The following EPHB1 variants were observed in gnomAD, a reference collection of about 807,000 sequenced individuals.
The protein encoded by EPHB1 is ephrin type-B receptor 1.
EPHB1 carries 30 observed loss-of-function variants against 94.4 expected under a neutral mutation model. That is an observed-to-expected ratio of 0.32 (90% CI 0.24 to 0.43). The LOEUF is 0.43. EPHB1 is among the 20% of genes least tolerant of loss of function. EPHB1 has a pLI of 1.00. For synonymous variants in EPHB1, 522 were observed against 489.1 expected (o/e 1.07, Z -0.89); for missense variants, 1,055 against 1,308.3 (o/e 0.81, Z 2.99).
rs375395128 is a variant in EPHB1, at chr3:135,094,725, T to C, written c.806-11723T>C. Among the ~76,000 whole-genome samples, 290 of 152,324 alleles carry C rather than the reference T, an allele frequency of 1.9e-3. 4 individuals carry two copies. Among genetic ancestry groups the C allele is most frequent in the African/African-American group, 6.8e-3 (281 of 41,572 alleles). ...TTCCTCAGTGCTGCAGCATCGTACC[T>C]TTCCTGACCCCTCTGTTGGCTTAAA... On this transcript the variant is annotated intron_variant, in intron 3 of 15. Coordinates refer to ENST00000398015, the MANE Select transcript of EPHB1 (RefSeq NM_004441.5).
intron 9 of EPHB1, among the ~76,000 whole-genome samples, chr3:135,179,500 A>G (rs1942091516): frequency 6.6e-6 from 1 of 152,096 alleles, no homozygotes; most frequent in African/African-American, 2.4e-5. Flanking sequence ...CCATTTTACC[A>G]CCACTTTTCT....
chr3:135,187,326 T>C (rs889239509), intron 10 of EPHB1, among the ~76,000 whole-genome samples: 18 of 152,160 alleles, frequency 1.2e-4, no homozygotes, highest in Non-Finnish European at 2.5e-4. Context: ...ATAACGTTAA[T>C]TCTTGAATTG....
chr3:134,810,003 C>T (rs2108285564), intron 1 of EPHB1, among the ~76,000 whole-genome samples: 1 of 152,324 alleles, frequency 6.6e-6, no homozygotes, highest in East Asian at 1.9e-4. Flanking sequence ...GAGCTCAGGG[C>T]ACTGCTGCTT....
At chr3:135,114,736 A>G (rs945526687) in intron 4 of EPHB1, among the ~76,000 whole-genome samples, 12 of 125,894 alleles carry the variant, frequency 9.5e-5, no homozygotes, top group African/African-American at 3.3e-4. Context: ...TAGATAAATA[A>G]ATAAATAAAT....
At chr3:134,830,795 G>T (rs1433125222) in intron 1 of EPHB1, among the ~76,000 whole-genome samples, 2 of 152,218 alleles carry the variant, frequency 1.3e-5, no homozygotes, top group Admixed American at 1.3e-4. Flanking sequence ...CCCAGCTAGT[G>T]TCTGGTGGGC....
At chr3:134,882,761 C>CTTTCCTTCTTT (rs59448814) in intron 1 of EPHB1, among the ~76,000 whole-genome samples, 66 of 31,286 alleles carry the variant, frequency 2.1e-3, no homozygotes, top group African/African-American at 4.1e-3. Flanking sequence ...TTTCTTCCTT[C>CTTTCCTTCTTT]CTTCCTTTCT....
intron 4 of EPHB1, among the ~76,000 whole-genome samples, chr3:135,129,502 G>C (rs1022099198): frequency 6.6e-6 from 1 of 152,200 alleles, no homozygotes; most frequent in Admixed American, 6.5e-5. Flanking sequence ...CTGGAGAGGG[G>C]TATATACATG....
At chr3:135,024,903 A>G (rs1405504910) in intron 3 of EPHB1, among the ~76,000 whole-genome samples, 1 of 151,140 alleles carries the variant, frequency 6.6e-6, no homozygotes, top group African/African-American at 2.4e-5. Context: ...CCCTTTCTAT[A>G]TTTTTCTTCT....
chr3:135,208,421 C>T (rs1045998636), intron 12 of EPHB1, among the ~76,000 whole-genome samples: 1 of 151,428 alleles, frequency 6.6e-6, no homozygotes, highest in African/African-American at 2.4e-5. Context: ...TTTTCCTTAG[C>T]CTTTTCCTTC....
chr3:134,875,761 C>T (rs2037604394), intron 1 of EPHB1, among the ~76,000 whole-genome samples: 1 of 152,118 alleles, frequency 6.6e-6, no homozygotes, highest in Non-Finnish European at 1.5e-5. Flanking sequence ...TACTTATTTT[C>T]CTTCCAAGTC....
intron 1 of EPHB1, among the ~76,000 whole-genome samples, chr3:134,844,298 G>T (rs116837909): frequency 0.013 from 2,006 of 152,310 alleles, 40 homozygotes; most frequent in African/African-American, 0.043. Context: ...GTGTAGGTAG[G>T]AAAGCACATT....
chr3:134,998,020 A>G (rs1219929767), intron 3 of EPHB1, among the ~76,000 whole-genome samples: 1 of 152,218 alleles, frequency 6.6e-6, no homozygotes, highest in Non-Finnish European at 1.5e-5. Flanking sequence ...AGTTTGCACC[A>G]GCTGTGGAGG....
intron 3 of EPHB1, among the ~76,000 whole-genome samples, chr3:135,015,666 T>A (rs951985344): frequency 6.6e-6 from 1 of 152,180 alleles, no homozygotes; most frequent in Non-Finnish European, 1.5e-5. Flanking sequence ...CTGCTGACTA[T>A]GAAAAGGTGG....
chr3:134,944,882 C>T (rs887538502), intron 2 of EPHB1, among the ~76,000 whole-genome samples: 1 of 152,174 alleles, frequency 6.6e-6, no homozygotes, highest in Non-Finnish European at 1.5e-5. Context: ...CCTTTTCTTC[C>T]ATTTGTGTGT....
At chr3:134,919,835 G>A (rs1165462038) in intron 1 of EPHB1, among the ~76,000 whole-genome samples, 1 of 144,698 alleles carries the variant, frequency 6.9e-6, no homozygotes, top group African/African-American at 2.6e-5. Flanking sequence ...ACTGTCTTAG[G>A]GCAGGGGTGT....
chr3:135,164,804 CTCAA>C (rs1167528798), intron 7 of EPHB1, among the ~76,000 whole-genome samples: 3 of 56,720 alleles, frequency 5.3e-5, no homozygotes, highest in African/African-American at 2.6e-4. Flanking sequence ...GCAAGACTGT[CTCAA>C]AAAAAAAAAA....
chr3:135,066,669 ATAAC>A (rs1172608311), intron 3 of EPHB1, among the ~76,000 whole-genome samples: 1 of 152,126 alleles, frequency 6.6e-6, no homozygotes, highest in Non-Finnish European at 1.5e-5. Context: ...GATTAGCATA[ATAAC>A]TAACCTCCTG....
At chr3:135,066,089 C>T (rs1006140219) in intron 3 of EPHB1, among the ~76,000 whole-genome samples, 2 of 152,134 alleles carry the variant, frequency 1.3e-5, no homozygotes, top group Admixed American at 6.5e-5. Flanking sequence ...ACAGGTTTTC[C>T]TTTATAGCTT....
chr3:134,975,576 A>G (rs1934154676), intron 3 of EPHB1, among the ~76,000 whole-genome samples: 1 of 152,078 alleles, frequency 6.6e-6, no homozygotes, highest in Non-Finnish European at 1.5e-5. Context: ...ACCCAGCACC[A>G]ATGTACTGCC....
Sources: allele counts gnomAD v4.1 joint callset (sites outside exome capture counted in the v4.1 genomes callset), GRCh38; gene constraint gnomAD v4.1.1; transcripts MANE v1.5; gene names NCBI Gene and HGNC (gene_info 2026-07-23, HGNC 2026-07-21).